The following MARCHF1 variants were observed in gnomAD, a reference collection of about 807,000 sequenced individuals.
MARCHF1 encodes membrane associated ring-CH-type finger 1.
A neutral mutation model predicts 54.2 loss-of-function variants in MARCHF1; 40 were observed. That is an observed-to-expected ratio of 0.74 (90% CI 0.57 to 0.96). The LOEUF is 0.96. Ranked by LOEUF, MARCHF1 falls within the 40% of genes least tolerant of loss-of-function variation. The probability of loss-of-function intolerance (pLI) is 0.00; values close to 1 mark genes in which losing one functional copy is unlikely to be tolerated. For missense variants in MARCHF1, 586 were observed against 656.5 expected (o/e 0.89, Z 1.17); for synonymous variants, 236 against 236.3 (o/e 1.00, Z 0.01).
chr4:163,932,095 TA>T (rs1371053838), intron 3 of MARCHF1, among the ~76,000 whole-genome samples: 3 of 143,084 alleles, frequency 2.1e-5, no homozygotes, highest in Admixed American at 7.4e-5. Flanking sequence ...GTAATTTAAT[TA>T]AAAAAAACCT....
chr4:163,829,044 C>G (rs1234960333), intron 4 of MARCHF1: 1 of 152,196 alleles, frequency 6.6e-6, no homozygotes, highest in Non-Finnish European at 1.5e-5. Flanking sequence ...GCCAGCCAGG[C>G]TGAGCATCTG....
intron 2 of MARCHF1, among the ~76,000 whole-genome samples, chr4:164,095,926 C>T (rs1191019748): frequency 6.6e-6 from 1 of 151,864 alleles, no homozygotes; most frequent in Admixed American, 6.6e-5. Context: ...CATATACGGA[C>T]GAGACTGAGG....
intron 1 of MARCHF1, among the ~76,000 whole-genome samples, chr4:164,301,048 C>T (rs1373417192): frequency 6.6e-6 from 1 of 151,984 alleles, no homozygotes; most frequent in African/African-American, 2.4e-5. Flanking sequence ...CGGAAAGATG[C>T]TATTTTTTTT....
At chr4:164,187,702 GTAAA>G (rs997327744) in intron 1 of MARCHF1, among the ~76,000 whole-genome samples, 11 of 152,056 alleles carry the variant, frequency 7.2e-5, no homozygotes, top group Non-Finnish European at 1.5e-4. Flanking sequence ...CCAGTTGTAG[GTAAA>G]TAAAGAGAAA....
intron 4 of MARCHF1, among the ~76,000 whole-genome samples, chr4:163,827,254 T>G (rs1015767296): frequency 6.6e-6 from 1 of 152,078 alleles, no homozygotes; most frequent in East Asian, 1.9e-4. Context: ...CTTTCAATCA[T>G]CAGATATTTG....
intron 5 of MARCHF1, among the ~76,000 whole-genome samples, chr4:163,643,345 T>TAA (rs987459237): frequency 2.0e-5 from 3 of 150,950 alleles, no homozygotes; most frequent in Non-Finnish European, 4.4e-5. Flanking sequence ...AAAATAAAAA[T>TAA]AAAAATAAAA....
At chr4:164,111,824 A>T (rs1755840025) in intron 1 of MARCHF1, among the ~76,000 whole-genome samples, 162 bp from the exon 2 acceptor site, 1 of 151,828 alleles carries the variant, frequency 6.6e-6, no homozygotes, top group Non-Finnish European at 1.5e-5. Flanking sequence ...TTCTGCCAAT[A>T]TTCAGATCAT....
chr4:164,206,917 A>G (rs1405087195), intron 1 of MARCHF1, among the ~76,000 whole-genome samples: 8 of 152,136 alleles, frequency 5.3e-5, no homozygotes, highest in Admixed American at 4.6e-4. Flanking sequence ...AATTATAATT[A>G]ACAAGTATGA....
intron 5 of MARCHF1, among the ~76,000 whole-genome samples, chr4:163,626,448 G>T (rs1314211993): frequency 6.6e-6 from 1 of 152,124 alleles, no homozygotes. Flanking sequence ...AAGAATAATC[G>T]TGCATAATCA....
intron 1 of MARCHF1, among the ~76,000 whole-genome samples, chr4:164,322,118 A>C (rs1227375442): frequency 1.3e-5 from 2 of 152,114 alleles, no homozygotes; most frequent in African/African-American, 4.8e-5. Flanking sequence ...CATTTAAGGA[A>C]GAACAGTTTC....
At chr4:163,987,132 C>T (rs1725074386) in intron 3 of MARCHF1, among the ~76,000 whole-genome samples, 1 of 152,150 alleles carries the variant, frequency 6.6e-6, no homozygotes, top group African/African-American at 2.4e-5. Context: ...TTAAGAGAAA[C>T]CTGTTTCATA....
chr4:163,954,265 T>C (rs533438721), intron 3 of MARCHF1, among the ~76,000 whole-genome samples: 1 of 152,316 alleles, frequency 6.6e-6, no homozygotes, highest in East Asian at 1.9e-4. Context: ...ATTCAGAGTT[T>C]GAAAAAGTCA....
intron 2 of MARCHF1, among the ~76,000 whole-genome samples, chr4:164,016,114 G>T (rs1753537435): frequency 6.6e-6 from 1 of 152,270 alleles, no homozygotes; most frequent in Middle Eastern, 3.4e-3. Flanking sequence ...GTATTAGTCT[G>T]TTTTCAGACT....
intron 9 of MARCHF1, among the ~76,000 whole-genome samples, chr4:163,540,367 TAAGG>T (rs1383142696): frequency 1.3e-5 from 2 of 152,124 alleles, no homozygotes; most frequent in Non-Finnish European, 2.9e-5. Flanking sequence ...AGTGTGTGTA[TAAGG>T]AAGGGTGTGT....
intron 2 of MARCHF1, among the ~76,000 whole-genome samples, chr4:163,998,225 C>A (rs903963383): frequency 6.6e-6 from 1 of 151,250 alleles, no homozygotes; most frequent in African/African-American, 2.4e-5. Flanking sequence ...ATAGACTATT[C>A]TCTATCTATA....
At chr4:163,958,713 T>A (rs994139852) in intron 3 of MARCHF1, among the ~76,000 whole-genome samples, 7 of 151,946 alleles carry the variant, frequency 4.6e-5, no homozygotes, top group Admixed American at 4.6e-4. Flanking sequence ...TCTTTTAAGA[T>A]CTACTGTAAT....
At chr4:164,014,324 G>GTTAT (rs1241830042) in intron 2 of MARCHF1, among the ~76,000 whole-genome samples, 1 of 152,030 alleles carries the variant, frequency 6.6e-6, no homozygotes, top group South Asian at 2.1e-4. Context: ...GAGTTAAGCT[G>GTTAT]TTATCGGTTC....
rs142938477 is a variant in MARCHF1, at chr4:164,049,295, A to C, written c.-247-60586T>G. ...ACTATCATGAGAACAGCATGGGGGA[A>C]CCACCCCCGTGATTCAATCACCTCC... is the stretch of plus-strand genomic sequence containing the variant. On this transcript the variant is annotated intron_variant, in intron 2 of 9. Transcript: ENST00000514618. Among the ~76,000 whole-genome samples the C allele has an allele frequency of 1.3e-3, 195 of 152,194 alleles. 1 individual carries two copies. Among genetic ancestry groups the C allele is most frequent in the African/African-American group, 4.5e-3 (186 of 41,534 alleles).
chr4:164,255,696 A>G (rs961549028), intron 1 of MARCHF1, among the ~76,000 whole-genome samples: 2 of 152,124 alleles, frequency 1.3e-5, no homozygotes, highest in Non-Finnish European at 2.9e-5. Flanking sequence ...TGGACAAAAA[A>G]AGTCAAATGA....
Sources: allele counts gnomAD v4.1 joint callset (sites outside exome capture counted in the v4.1 genomes callset), GRCh38; gene constraint gnomAD v4.1.1; transcripts MANE v1.5; gene names NCBI Gene and HGNC (gene_info 2026-07-23, HGNC 2026-07-21).